The following PLCB1 variants were observed in gnomAD, a reference collection of about 807,000 sequenced individuals.
PLCB1 encodes 1-phosphatidylinositol 4,5-bisphosphate phosphodiesterase beta-1.
PLCB1 carries 46 observed loss-of-function variants against 161.8 expected under a neutral mutation model. That is an observed-to-expected ratio of 0.28 (90% CI 0.22 to 0.36). The LOEUF (loss-of-function observed/expected upper bound fraction) is 0.36, where lower values mean the gene tolerates loss of function less well. PLCB1 is among the 10% of genes least tolerant of loss of function. The pLI, the probability that PLCB1 is intolerant of heterozygous loss-of-function variation, is 1.00. For missense variants in PLCB1, 1,016 were observed against 1,472.5 expected, an observed-to-expected ratio of 0.69 and a Z score of 5.07; for synonymous variants, 517 against 503.7, an observed-to-expected ratio of 1.03 and a Z score of -0.35.
At chr20:8,669,435 A>G (rs536839047) in intron 9 of PLCB1, among the ~76,000 whole-genome samples, 2 of 152,292 alleles carry the variant, frequency 1.3e-5, no homozygotes, top group South Asian at 2.1e-4. Flanking sequence ...CAGACATTTG[A>G]CTTGTTATAC....
intron 2 of PLCB1, among the ~76,000 whole-genome samples, chr20:8,358,091 C>G (rs1233103930): frequency 7.5e-6 from 1 of 133,416 alleles, no homozygotes. Context: ...TGCCTCTTGT[C>G]CCTTTCCCAG....
At chr20:8,328,211 T>C (rs1985230545) in intron 2 of PLCB1, among the ~76,000 whole-genome samples, 1 of 152,178 alleles carries the variant, frequency 6.6e-6, no homozygotes, top group African/African-American at 2.4e-5. Context: ...GATTTTCAGA[T>C]GAGAGATGCT....
intron 4 of PLCB1, among the ~76,000 whole-genome samples, chr20:8,629,956 TTTCTTTC>T (rs1473555918): frequency 8.3e-6 from 1 of 120,582 alleles, no homozygotes; most frequent in Non-Finnish European, 1.6e-5. Context: ...CTTTCTTTTC[TTTCTTTC>T]TTCTTTCTTT....
chr20:8,879,720 G>A (rs973456461), intron 31 of PLCB1, among the ~76,000 whole-genome samples: 1 of 152,212 alleles, frequency 6.6e-6, no homozygotes, highest in African/African-American at 2.4e-5. Context: ...TGTCACAGAA[G>A]TGAGAGTGAA....
chr20:8,827,791 G>C (rs1300109317), intron 31 of PLCB1, among the ~76,000 whole-genome samples: 3 of 152,166 alleles, frequency 2.0e-5, no homozygotes, highest in Non-Finnish European at 2.9e-5. Context: ...ATCAAACGAA[G>C]AAGAATATTT....
intron 7 of PLCB1, chr20:8,651,450 G>A (rs1989319747): frequency 1.4e-6 from 1 of 728,524 alleles, no homozygotes; most frequent in African/African-American, 1.7e-5. Context: ...AGTGAGCAGA[G>A]CTGTGGAAAG....
chr20:8,319,216 C>G (rs764664885), intron 2 of PLCB1, among the ~76,000 whole-genome samples: 3 of 152,164 alleles, frequency 2.0e-5, no homozygotes, highest in Non-Finnish European at 2.9e-5. Flanking sequence ...TGTTGCATAA[C>G]TAATTACTCC....
At chr20:8,612,851 T>C (rs1987940827) in intron 3 of PLCB1, among the ~76,000 whole-genome samples, 1 of 152,206 alleles carries the variant, frequency 6.6e-6, no homozygotes, top group Non-Finnish European at 1.5e-5. Context: ...GGACATTTTC[T>C]GAGACAATCT....
At chr20:8,169,456 A>G (rs1278479460) in intron 2 of PLCB1, among the ~76,000 whole-genome samples, 1 of 152,216 alleles carries the variant, frequency 6.6e-6, no homozygotes, top group Non-Finnish European at 1.5e-5. Context: ...CACAACACAC[A>G]TGCTGATAGG....
At chr20:8,535,968 T>C (rs1196967790) in intron 3 of PLCB1, among the ~76,000 whole-genome samples, 2 of 151,784 alleles carry the variant, frequency 1.3e-5, no homozygotes, top group Non-Finnish European at 2.9e-5. Flanking sequence ...ACTAAGATTA[T>C]TTTAATTTTA....
chr20:8,655,941 T>A (rs1347457995), intron 7 of PLCB1, among the ~76,000 whole-genome samples: 1 of 151,988 alleles, frequency 6.6e-6, no homozygotes, highest in African/African-American at 2.4e-5. Flanking sequence ...TAAAGAGATT[T>A]CTCTCTTTCT....
chr20:8,425,616 T>C (rs1357130123), intron 3 of PLCB1, among the ~76,000 whole-genome samples: 1 of 152,064 alleles, frequency 6.6e-6, no homozygotes, highest in East Asian at 1.9e-4. Context: ...ACGGATTCTA[T>C]TTAAAAAAAG....
At chr20:8,531,075 T>C (rs1984794752) in intron 3 of PLCB1, among the ~76,000 whole-genome samples, 1 of 151,996 alleles carries the variant, frequency 6.6e-6, no homozygotes. Context: ...AGGTAGAAAA[T>C]TAAACTAGAT....
chr20:8,385,713 G>A (rs762654718), intron 3 of PLCB1, among the ~76,000 whole-genome samples: 6 of 152,204 alleles, frequency 3.9e-5, no homozygotes, highest in African/African-American at 7.2e-5. Context: ...TGGTTTCCCC[G>A]GCTGGGTAGC....
At chr20:8,343,444 T>A (rs1279319450) in intron 2 of PLCB1, among the ~76,000 whole-genome samples, 1 of 152,218 alleles carries the variant, frequency 6.6e-6, no homozygotes, top group Non-Finnish European at 1.5e-5. Flanking sequence ...CTGCTGCTGA[T>A]GGTCTGGGAA....
At chr20:8,657,328 G>C in intron 8 of PLCB1, 44 bp downstream of exon 8, 2 of 1,145,188 alleles carry the variant, frequency 1.7e-6, no homozygotes, top group Non-Finnish European at 2.7e-6. Context: ...AGCTTGCATT[G>C]ATTCTCAGGT....
chr20:8,843,923 C>T (rs1011295781), intron 31 of PLCB1, among the ~76,000 whole-genome samples: 1 of 152,102 alleles, frequency 6.6e-6, no homozygotes, highest in Non-Finnish European at 1.5e-5. Context: ...CATCCTTTGC[C>T]GAGGCTACTG....
At chr20:8,721,668 C>T (rs914669275) in intron 14 of PLCB1, among the ~76,000 whole-genome samples, 2 of 152,196 alleles carry the variant, frequency 1.3e-5, no homozygotes, top group Admixed American at 6.5e-5. Flanking sequence ...ATAATATCAG[C>T]ATTTTCTACG....
At chr20:8,439,831 C>T (rs919197645) in intron 3 of PLCB1, among the ~76,000 whole-genome samples, 4 of 151,594 alleles carry the variant, frequency 2.6e-5, no homozygotes, top group African/African-American at 7.3e-5. Flanking sequence ...TGCCTTGTAC[C>T]GTGCACCAAA....
Sources: allele counts gnomAD v4.1 joint callset (sites outside exome capture counted in the v4.1 genomes callset), GRCh38; gene constraint gnomAD v4.1.1; transcripts MANE v1.5; gene names NCBI Gene and HGNC (gene_info 2026-07-23, HGNC 2026-07-21).